Variants in MAP2 observed in about 807,000 individuals in gnomAD.
MAP2 encodes microtubule-associated protein 2.
In MAP2, 14 loss-of-function variants were observed where a neutral mutation model predicts 137.6. That is an observed-to-expected ratio of 0.10 (90% CI 0.07 to 0.16). The LOEUF is 0.16. Among genes scored for constraint, MAP2 ranks in the 10% least tolerant of loss-of-function variants. MAP2 has a pLI of 1.00. For missense variants in MAP2, 2,088 were observed against 2,191.5 expected (o/e 0.95, Z 0.94); for synonymous variants, 786 against 782.3 (o/e 1.00, Z -0.08).
In MAP2 at chr2:209,678,631, G is replaced by T. The variant is rs752068046; in HGVS notation, c.322G>T (p.Gly108Cys). 11 of 1,607,314 alleles carry T rather than the reference G, an allele frequency of 6.8e-6. No homozygotes were observed. Among genetic ancestry groups the T allele is most frequent in the Non-Finnish European group, 9.3e-6 (11 of 1,176,566 alleles). ...TGCTGAGGCTGTAGCAGTCCTGAAA[G>T]GTGAACAAGAGAAAGAAGCTCAACA... is the stretch of plus-strand genomic sequence containing the variant. ...VTAEAVAVLKGEQEKEAQHKD... is the reference protein window; with the variant it reads ...VTAEAVAVLKCEQEKEAQHKD... Residue 108 changes from glycine (G) to cysteine (C), a missense_variant, in exon 6 of 16, where the codon GGT becomes TGT. Gly to Cys is a radical substitution (Grantham distance 159, BLOSUM62 -3). This residue lies in a region of MAP2 where 859 missense variants were observed against 794.5 expected (regional missense o/e 1.08). Coordinates refer to ENST00000682079, the MANE Select transcript of MAP2 (RefSeq NM_001375505.1).
chr2:209,427,762 T>A (rs1189504744), intron 1 of MAP2, among the ~76,000 whole-genome samples: 1 of 151,886 alleles, frequency 6.6e-6, no homozygotes, highest in Non-Finnish European at 1.5e-5. Flanking sequence ...CAAAAGCAGT[T>A]AAAAGTCTGC....
At chr2:209,427,545 C>T (rs2149244569) in intron 1 of MAP2, among the ~76,000 whole-genome samples, 1 of 152,256 alleles carries the variant, frequency 6.6e-6, no homozygotes, top group Non-Finnish European at 1.5e-5. Context: ...CCTCCCTTCA[C>T]ATCATTCTTT....
At chr2:209,577,222 T>G (rs1193664493) in intron 2 of MAP2, among the ~76,000 whole-genome samples, 1 of 152,054 alleles carries the variant, frequency 6.6e-6, no homozygotes, top group Non-Finnish European at 1.5e-5. Flanking sequence ...TTTTTTTTTT[T>G]GCGGGTCGGG....
chr2:209,720,361 G>A (rs1022244789), intron 13 of MAP2, among the ~76,000 whole-genome samples: 8 of 152,008 alleles, frequency 5.3e-5, no homozygotes, highest in African/African-American at 1.7e-4. Context: ...GAAATAGGCC[G>A]GGCACGGTGG....
At chr2:209,602,717 G>A (rs2083353193) in intron 3 of MAP2, among the ~76,000 whole-genome samples, 1 of 152,178 alleles carries the variant, frequency 6.6e-6, no homozygotes, top group Non-Finnish European at 1.5e-5. Context: ...TTCTGAGAAC[G>A]CTAGCGGATT....
chr2:209,722,570 C>G (rs2071638848), intron 13 of MAP2, among the ~76,000 whole-genome samples: 1 of 151,710 alleles, frequency 6.6e-6, no homozygotes, highest in Non-Finnish European at 1.5e-5. Context: ...GTAGAAGTAG[C>G]CAAAGTAAAA....
chr2:209,564,234 A>G (rs977415192), intron 2 of MAP2, among the ~76,000 whole-genome samples: 2 of 152,248 alleles, frequency 1.3e-5, no homozygotes, highest in Non-Finnish European at 2.9e-5. Context: ...AGACATTGAT[A>G]TAATTCAGTA....
intron 5 of MAP2, among the ~76,000 whole-genome samples, chr2:209,655,204 T>C (rs974453667): frequency 6.6e-6 from 1 of 152,200 alleles, no homozygotes; most frequent in African/African-American, 2.4e-5. Context: ...CAGAGTTCAT[T>C]TTAAATTCAG....
intron 2 of MAP2, among the ~76,000 whole-genome samples, chr2:209,527,213 C>G (rs1008877974): frequency 1.3e-5 from 2 of 152,092 alleles, no homozygotes; most frequent in African/African-American, 4.8e-5. Flanking sequence ...ACACTTAATC[C>G]TCACTTACTC....
At chr2:209,636,576 TATAC>T (rs997078644) in intron 4 of MAP2, among the ~76,000 whole-genome samples, 172 of 147,248 alleles carry the variant, frequency 1.2e-3, no homozygotes, top group African/African-American at 4.3e-3. Context: ...TATATATATA[TATAC>T]ACACACACAC....
intron 11 of MAP2, among the ~76,000 whole-genome samples, chr2:209,700,936 A>T (rs73074703): frequency 0.089 from 13,479 of 152,142 alleles, 1,234 homozygotes; most frequent in African/African-American, 0.24. Flanking sequence ...AGTTTTAATG[A>T]CTACGTAATA....
At chr2:209,567,641 C>T (rs941934562) in intron 2 of MAP2, among the ~76,000 whole-genome samples, 1 of 151,674 alleles carries the variant, frequency 6.6e-6, no homozygotes, top group East Asian at 1.9e-4. Flanking sequence ...AAAACACTGA[C>T]TTCTTCAATT....
At chr2:209,441,380 A>C (rs1371697595) in intron 1 of MAP2, among the ~76,000 whole-genome samples, 2 of 151,600 alleles carry the variant, frequency 1.3e-5, no homozygotes, top group Non-Finnish European at 3.0e-5. Flanking sequence ...AAATCCTTTA[A>C]ATTTTTTGTT....
intron 2 of MAP2, among the ~76,000 whole-genome samples, chr2:209,520,692 G>A (rs1397016532): frequency 6.6e-6 from 1 of 152,006 alleles, no homozygotes; most frequent in African/African-American, 2.4e-5. Context: ...CCATTCCTTA[G>A]CAAGATGAAT....
In MAP2 at chr2:209,629,558, C is replaced by T. The variant is rs957389044; in HGVS notation, c.-30+4429C>T. Among the ~76,000 whole-genome samples the T allele has an allele frequency of 1.7e-4, 26 of 152,280 alleles. 1 individual carries two copies. The highest frequency in any genetic ancestry group is 1.4e-3 in the East Asian group (7 of 5,182). On this transcript the variant is annotated intron_variant, in intron 4 of 15. Coordinates refer to ENST00000682079, the MANE Select transcript of MAP2 (RefSeq NM_001375505.1). ...TTACTACTTCATCAGCATTCAACTC[C>T]GCTCCGTGGCACTCTGTGTGAATAA...
intron 1 of MAP2, among the ~76,000 whole-genome samples, chr2:209,491,389 A>G (rs1258626830): frequency 6.6e-6 from 1 of 152,202 alleles, no homozygotes; most frequent in East Asian, 1.9e-4. Context: ...TAAAAGAACT[A>G]GAGAAGCAAG....
In MAP2 at chr2:209,619,188, G is replaced by C. The variant is rs142258210; in HGVS notation, c.-106-5865G>C. Among the ~76,000 whole-genome samples, 1,057 of 152,134 alleles carry C rather than the reference G, an allele frequency of 6.9e-3. 15 individuals carry two copies. Among genetic ancestry groups the C allele is most frequent in the African/African-American group, 0.024 (992 of 41,536 alleles). ...ACGAAGTTTCTGTTTGGTAGGGGAA[G>C]TAAATTCAAGAGATCTATTATACAA... On this transcript the variant is annotated intron_variant, in intron 3 of 15. Coordinates refer to ENST00000682079, the MANE Select transcript of MAP2 (RefSeq NM_001375505.1).
chr2:209,672,399 A>G (rs1425836200), intron 5 of MAP2, among the ~76,000 whole-genome samples: 2 of 151,886 alleles, frequency 1.3e-5, no homozygotes, highest in African/African-American at 4.8e-5. Flanking sequence ...TCATGATAAG[A>G]GAACATCAAG....
intron 2 of MAP2, among the ~76,000 whole-genome samples, chr2:209,540,630 C>CAAAAAAAAAAAAA: frequency 2.4e-3 from 67 of 27,582 alleles, no homozygotes; most frequent in East Asian, 4.8e-3. Context: ...GACTCCGTCT[C>CAAAAAAAAAAAAA]AAAAAAAAAA....
Sources: gnomAD v4.1 joint callset for allele counts (sites outside exome capture counted in the v4.1 genomes callset) on GRCh38, gnomAD v4.1.1 for gene constraint, gnomAD v4.1.1 regional missense constraint, MANE v1.5 for transcripts, NCBI Gene and HGNC (gene_info 2026-07-23, HGNC 2026-07-21) for gene names.